Variants in NRXN2 observed in about 807,000 individuals in gnomAD.
NRXN2 encodes the protein neurexin-2-beta.
NRXN2 carries 29 observed loss-of-function variants against 128.8 expected under a neutral mutation model. That is an observed-to-expected ratio of 0.23 (90% CI 0.17 to 0.31). The LOEUF (loss-of-function observed/expected upper bound fraction) is 0.31, where lower values mean the gene tolerates loss of function less well. Ranked by LOEUF, NRXN2 falls within the 10% of genes least tolerant of loss-of-function variation. NRXN2 has a pLI of 1.00. For synonymous variants in NRXN2, 1,098 were observed against 1,075.2 expected, an observed-to-expected ratio of 1.02 and a Z score of -0.41; for missense variants, 1,881 against 2,452.6, an observed-to-expected ratio of 0.77 and a Z score of 4.92.
chr11:64,687,567 C>T (rs903386777), intron 5 of NRXN2, among the ~76,000 whole-genome samples: 1 of 152,314 alleles, frequency 6.6e-6, no homozygotes, highest in East Asian at 1.9e-4. Flanking sequence ...CCTCTGTCTA[C>T]TTATGGTACC....
At chr11:64,652,742 C>G (rs777809429) in intron 12 of NRXN2, among the ~76,000 whole-genome samples, 3 of 152,116 alleles carry the variant, frequency 2.0e-5, no homozygotes, top group African/African-American at 4.8e-5. Flanking sequence ...CGTCACACAC[C>G]AAGTCACGCC....
At chr11:64,664,063 T>C (rs2049427288) in intron 9 of NRXN2, among the ~76,000 whole-genome samples, 1 of 152,210 alleles carries the variant, frequency 6.6e-6, no homozygotes, top group African/African-American at 2.4e-5. Context: ...AGTTAGTGTT[T>C]AATGGGCCAG....
At chr11:64,688,832 C>T in intron 5 of NRXN2, 2 of 985,264 alleles carry the variant, frequency 2.0e-6, no homozygotes, top group Admixed American at 6.1e-5. Flanking sequence ...AGGCCCAGCT[C>T]CCAGACCTCC....
chr11:64,642,840 C>T, intron 17 of NRXN2: 4 of 1,017,436 alleles, frequency 3.9e-6, no homozygotes, highest in Non-Finnish European at 4.7e-6. Context: ...GCCCCATGGC[C>T]GGGGGCGGGG....
chr11:64,706,441 C>T (rs1052137460), intron 2 of NRXN2, among the ~76,000 whole-genome samples: 1 of 150,384 alleles, frequency 6.6e-6, no homozygotes, highest in Admixed American at 6.7e-5. Flanking sequence ...TTTGTCCTTG[C>T]GATAGTTTGC....
Position 64,623,196 on chromosome 11 carries a change from A to T in NRXN2, c.3848-118T>A. 1 of 1,430,342 alleles carries T rather than the reference A, an allele frequency of 7.0e-7. No individual in the cohort carries two copies. The highest frequency in any genetic ancestry group is 9.3e-7 in the Non-Finnish European group (1 of 1,079,380). The allele number at this position is 1,430,342 out of a possible 1,614,324, so 88.6% of individuals were successfully genotyped here. A position where few individuals can be genotyped will look rare whatever the true frequency, so the allele number is the denominator to read the frequency against. On this transcript the variant is annotated intron_variant, in intron 20 of 22. Transcript: ENST00000265459. The surrounding 1 kb of genome is among the most constrained non-coding windows in gnomAD (Gnocchi z 4.9). ...AAGAGGAATGGAGGAGAAAGCCAGT[A>T]AGGGAGGAGGGGACGGGGAGAAATG...
chr11:64,615,189 T>C (rs1266609114), intron 22 of NRXN2, among the ~76,000 whole-genome samples: 1 of 152,148 alleles, frequency 6.6e-6, no homozygotes, highest in Non-Finnish European at 1.5e-5. Flanking sequence ...ACTTCACAAC[T>C]CCATGCCGGG....
chr11:64,609,353 AAAG>A (rs1195298655), intron 22 of NRXN2, among the ~76,000 whole-genome samples: 29 of 152,238 alleles, frequency 1.9e-4, no homozygotes, highest in African/African-American at 6.5e-4. Context: ...AAAACAACGG[AAAG>A]AAGAAGAAAG....
chr11:64,642,796 G>A (rs1359939145), intron 17 of NRXN2: 3 of 1,154,326 alleles, frequency 2.6e-6, no homozygotes, highest in African/African-American at 3.3e-5. Flanking sequence ...GCTCCCCCCG[G>A]GGGGCATTTC....
intron 22 of NRXN2, among the ~76,000 whole-genome samples, chr11:64,614,412 G>A (rs2041148358): frequency 6.6e-6 from 1 of 152,232 alleles, no homozygotes; most frequent in African/African-American, 2.4e-5. Context: ...CCCCAAATCT[G>A]CATGAGCAGG....
intron 2 of NRXN2, among the ~76,000 whole-genome samples, chr11:64,707,279 C>G (rs541831011): frequency 6.6e-6 from 1 of 150,830 alleles, no homozygotes; most frequent in South Asian, 2.1e-4. Context: ...CCCAGCTACT[C>G]AGGAGGACGA....
chr11:64,659,835 C>T (rs189749927), intron 11 of NRXN2, among the ~76,000 whole-genome samples: 1 of 152,310 alleles, frequency 6.6e-6, no homozygotes, highest in Admixed American at 6.5e-5. Flanking sequence ...AACACACAGA[C>T]TGCTGTTTAG....
chr11:64,702,019 C>T lies in NRXN2; in HGVS notation c.731-4227G>A, dbSNP rs1303262637. ...AGGGAGGTGGGGGGGGTCAGCCCCCCGCCTGGCCAGCCGCCCCGTCCGGGA... is the reference window on the plus strand; with the variant it reads ...AGGGAGGTGGGGGGGGTCAGCCCCCTGCCTGGCCAGCCGCCCCGTCCGGGA... On this transcript the variant is annotated intron_variant, in intron 2 of 22. Transcript: ENST00000265459. Among the ~76,000 whole-genome samples, 317 of 148,396 alleles carry T rather than the reference C, an allele frequency of 2.1e-3. 1 individual carries two copies. The highest frequency in any genetic ancestry group is 7.5e-3 in the African/African-American group (300 of 40,170).
At position 64,620,300 on chromosome 11, in the gene NRXN2, T is replaced by C. The variant is rs940364893; in HGVS notation, c.4246A>G (p.Ser1416Gly). The change falls in exon 22 of 23, where the codon AGT (serine) becomes GGT (glycine). Residue 1416 changes from serine to glycine, a missense_variant. Physicochemically the swap from Ser to Gly is moderately conservative, Grantham distance 56 (BLOSUM62 0). This residue lies in a region of NRXN2 where 310 missense variants were observed against 318.2 expected (regional missense o/e 0.97). Transcript: ENST00000265459. The stretch of plus-strand genomic sequence containing the variant: ...AGGGGGGAAAGGCACTCACCAGTAC[T>C]GGGCTCACACTCCTCCAGGTCCTCA... ...DDEDLEECEPSTGGELILPII... is the reference protein window; with the variant it reads ...DDEDLEECEPGTGGELILPII... The C allele has an allele frequency of 1.3e-6, 2 of 1,552,320 alleles. No individual in the cohort carries two copies. The highest frequency in any genetic ancestry group is 1.7e-4 in the Middle Eastern group (1 of 5,978).
intron 1 of NRXN2, among the ~76,000 whole-genome samples, chr11:64,722,745 C>A (rs543475095): frequency 7.1e-6 from 1 of 141,394 alleles, no homozygotes; most frequent in East Asian, 2.4e-4. Context: ...CCTCCCCATT[C>A]TCCTCAGCTC....
intron 6 of NRXN2, among the ~76,000 whole-genome samples, chr11:64,684,833 C>T (rs1449967950): frequency 1.3e-5 from 2 of 152,180 alleles, no homozygotes. Context: ...CTAAGAGGAC[C>T]TGTCCAGTGG....
intron 6 of NRXN2, among the ~76,000 whole-genome samples, chr11:64,684,516 A>T (rs1289157762): frequency 6.6e-6 from 1 of 152,146 alleles, no homozygotes; most frequent in South Asian, 2.1e-4. Flanking sequence ...AGGATTAGTC[A>T]CTGCGTTCTC....
chr11:64,622,898 C>G lies in NRXN2; in HGVS notation c.4028G>C (p.Gly1343Ala), dbSNP rs1413090737. The G allele has an allele frequency of 1.2e-6, 2 of 1,613,100 alleles. No individual in the cohort carries two copies. Among genetic ancestry groups the G allele is most frequent in the Non-Finnish European group, 1.7e-6 (2 of 1,179,822 alleles). ...CTCCGCACTGAGCAGCACGGACGGC[C>G]CCTCCCCCACCAGGCGCAGGTGACC... The part of the protein sequence containing the change: ...TEGHLRLVGE[G>A]PSVLLSAETT... The change falls in exon 21 of 23, where the codon GGG becomes GCG. Residue 1343 changes from glycine (G) to alanine (A), a missense_variant. This residue lies in a region of NRXN2 where 108 missense variants were observed against 165.2 expected (regional missense o/e 0.65). Transcript: ENST00000265459. This position sits in a 1 kb window ranked among gnomAD's most constrained non-coding sequence, Gnocchi z 4.3.
chr11:64,681,896 G>A (rs986460438), intron 6 of NRXN2, among the ~76,000 whole-genome samples: 1 of 152,190 alleles, frequency 6.6e-6, no homozygotes, highest in Non-Finnish European at 1.5e-5. Flanking sequence ...GGGCAGGAAG[G>A]AGAGGAAAGG....
Sources: allele counts gnomAD v4.1 joint callset (sites outside exome capture counted in the v4.1 genomes callset), GRCh38; gene constraint gnomAD v4.1.1; regional missense constraint gnomAD v4.1.1; non-coding constraint Gnocchi (gnomAD v3.1); transcripts MANE v1.5; gene names NCBI Gene and HGNC (gene_info 2026-07-23, HGNC 2026-07-21).